Variants in TTLL4 observed in about 807,000 individuals in gnomAD.
TTLL4 encodes tubulin tyrosine ligase like 4, also known as tubulin monoglutamylase TTLL4.
Under a neutral mutation model 122.7 loss-of-function variants are expected in TTLL4, and 85 were observed. The ratio of observed to expected loss-of-function variants is 0.69; its 90% CI spans 0.58 to 0.83. The LOEUF (loss-of-function observed/expected upper bound fraction) is 0.83. Among genes scored for constraint, TTLL4 ranks in the 40% least tolerant of loss-of-function variants. TTLL4 has a pLI of 0.00. For missense variants in TTLL4, 1,363 were observed against 1,488.6 expected (o/e 0.92, Z 1.39); for synonymous variants, 553 against 563.0 (o/e 0.98, Z 0.25).
At chr2:218,746,713 T>C in intron 8 of TTLL4, 1 of 453,636 alleles carries the variant, frequency 2.2e-6, no homozygotes. Flanking sequence ...CGAAATGCTT[T>C]TCTGTCCTCA....
intron 2 of TTLL4, among the ~76,000 whole-genome samples, chr2:218,728,518 A>G (rs1380551351): frequency 2.0e-5 from 3 of 152,194 alleles, no homozygotes; most frequent in South Asian, 2.1e-4. Context: ...CGCTTGCCCA[A>G]TGCTCAGCTC....
chr2:218,742,787 T>C (rs1247356459), intron 5 of TTLL4, among the ~76,000 whole-genome samples: 1 of 152,152 alleles, frequency 6.6e-6, no homozygotes. Flanking sequence ...AGAAGTACAA[T>C]ATAGTACACT....
At chr2:218,720,386 A>AGATGGTG (rs1317312947) in intron 1 of TTLL4, among the ~76,000 whole-genome samples, 1 of 152,132 alleles carries the variant, frequency 6.6e-6, no homozygotes, top group Non-Finnish European at 1.5e-5. Context: ...AGCAACAAGG[A>AGATGGTG]GATGGTGGTA....
downstream of TTLL4, among the ~76,000 whole-genome samples, chr2:218,755,829 C>T (rs117730283): frequency 6.4e-4 from 98 of 152,110 alleles, 2 homozygotes; most frequent in East Asian, 0.015. Flanking sequence ...AGTTCTGTGG[C>T]GAGGTGGGGT....
chr2:218,747,424 G>A lies in TTLL4; in HGVS notation c.2249+52G>A, dbSNP rs191030191. 1.7e-3 allele frequency: 2,786 copies of A among 1,597,948 alleles called. 3 individuals carry two copies. Among genetic ancestry groups the A allele is most frequent in the Non-Finnish European group, 2.0e-3 (2,389 of 1,170,478 alleles). On this transcript the variant is annotated intron_variant, in intron 10 of 19. Transcript: ENST00000392102. This position sits in a 1 kb window ranked among gnomAD's most constrained non-coding sequence, Gnocchi z 4.7. ...CCCATCCTCCCACCTCCTTGGCCTCGAGGTTCCCTTCTTACAATGTTCTGC... is the reference window on the plus strand; with the variant it reads ...CCCATCCTCCCACCTCCTTGGCCTCAAGGTTCCCTTCTTACAATGTTCTGC...
At position 218,738,616 on chromosome 2, in the gene TTLL4, G is replaced by T; in HGVS notation, c.940G>T (p.Ala314Ser). The change falls in exon 3 of 20, where the codon GCA becomes TCA. Residue 314 changes from alanine (A) to serine (S), a missense_variant. By Grantham distance (99) the Ala-to-Ser change is moderately conservative. Coordinates refer to ENST00000392102, the MANE Select transcript of TTLL4 (RefSeq NM_014640.5). The part of the protein sequence containing the change: ...WYNRNNLAMR[A>S]EPLSCALDDS... ...TAACCGGAATAACTTAGCCATGAGG[G>T]CAGAGCCACTTTCCTGTGCTCTGGA... 6.2e-7 allele frequency: 1 copy of T among 1,614,184 alleles called. No individual in the cohort carries two copies. Among genetic ancestry groups the T allele is most frequent in the Non-Finnish European group, 8.5e-7 (1 of 1,180,026 alleles).
chr2:218,740,820 C>T (rs1295163986), intron 5 of TTLL4, among the ~76,000 whole-genome samples: 10 of 151,290 alleles, frequency 6.6e-5, no homozygotes, highest in Admixed American at 6.6e-4. Flanking sequence ...ACACCTGTAA[C>T]CCCAGCACTT....
At chr2:218,748,674 A>G in intron 12 of TTLL4, 162 bp from the exon 13 acceptor site, 2 of 564,986 alleles carry the variant, frequency 3.5e-6, no homozygotes, top group Non-Finnish European at 6.0e-6. Flanking sequence ...AAAAAAAAAA[A>G]AGAATTGGTC....
rs760675042 is a variant in TTLL4 at position 218,748,181 on chromosome 2, G to A, written c.2455G>A (p.Glu819Lys). 4.3e-6 allele frequency: 7 copies of A among 1,614,140 alleles called. No individual in the cohort carries two copies. The highest frequency in any genetic ancestry group is 2.2e-5 in the East Asian group (1 of 44,888). The change falls in exon 12 of 20, where the codon GAG becomes AAG. Residue 819 changes from glutamate to lysine, a missense_variant. Coordinates refer to ENST00000392102, the MANE Select transcript of TTLL4 (RefSeq NM_014640.5). ...CTACAGTGTCAATAAAAAGAATGCC[G>A]AGTACCAGGCCAATGCAGATGAAAT... is the stretch of plus-strand genomic sequence containing the variant. ...TNYSVNKKNA[E>K]YQANADEMAC... is the part of the protein sequence containing the mutation.
Position 218,748,956 on chromosome 2 carries a change from G to T in TTLL4, c.2600+22G>T. ...TCTCGTGAGTCACATTGCCAACCTGGATGTGGGGCCTGCTGCTGACCCCCT... is the reference window on the plus strand; with the variant it reads ...TCTCGTGAGTCACATTGCCAACCTGTATGTGGGGCCTGCTGCTGACCCCCT... On this transcript the variant is annotated intron_variant, in intron 13 of 19. Coordinates refer to ENST00000392102, the MANE Select transcript of TTLL4 (RefSeq NM_014640.5). 3 of 1,610,138 alleles carry T rather than the reference G, an allele frequency of 1.9e-6. No individual in the cohort carries two copies. Among genetic ancestry groups the T allele is most frequent in the Non-Finnish European group, 2.5e-6 (3 of 1,176,718 alleles).
chr2:218,748,014 T>C, intron 11 of TTLL4, 91 bp from the exon 12 acceptor site: 1 of 1,535,848 alleles, frequency 6.5e-7, no homozygotes, highest in Non-Finnish European at 8.9e-7. Flanking sequence ...GTACTTGTTC[T>C]ACACCTCTTC....
chr2:218,748,526 G>A (rs6722216), intron 12 of TTLL4: 198,235 of 432,266 alleles, frequency 0.46, 48,076 homozygotes, highest in African/African-American at 0.6. Flanking sequence ...GTGGTGGCAG[G>A]CGCCTACAAT....
At position 218,740,965 on chromosome 2, in the gene TTLL4, C is replaced by T. The variant is rs752347733; in HGVS notation, c.1661+381C>T. On this transcript the variant is annotated intron_variant, in intron 5 of 19. Transcript: ENST00000392102. ...GTGCACACCTGTAATCCCAGCTGCTCGGGAGGCTGAGGCACGAGAATCACT... is the reference window on the plus strand; with the variant it reads ...GTGCACACCTGTAATCCCAGCTGCTTGGGAGGCTGAGGCACGAGAATCACT... Among the ~76,000 whole-genome samples the T allele has an allele frequency of 4.4e-4, 67 of 152,032 alleles. 1 individual carries two copies. The highest frequency in any genetic ancestry group is 3.7e-4 in the Non-Finnish European group (25 of 68,008).
chr2:218,727,683 A>G (rs1024372484), intron 2 of TTLL4, among the ~76,000 whole-genome samples: 12 of 152,150 alleles, frequency 7.9e-5, no homozygotes, highest in African/African-American at 1.9e-4. Context: ...TGGAGCTTGC[A>G]GTGAGCCAAG....
chr2:218,759,195 A>AGATCGCCCC (rs895607040), downstream of TTLL4, among the ~76,000 whole-genome samples: 2 of 152,134 alleles, frequency 1.3e-5, no homozygotes, highest in Admixed American at 6.5e-5. Context: ...CGGTGAGCCG[A>AGATCGCCCC]GATCGCCCCA....
intron 1 of TTLL4, among the ~76,000 whole-genome samples, chr2:218,723,841 A>G (rs927787981): frequency 2.6e-5 from 4 of 152,358 alleles, no homozygotes; most frequent in South Asian, 4.1e-4. Context: ...CTAAAAAGAT[A>G]TGAAGGTGAA....
At chr2:218,741,801 T>A (rs1942708465) in intron 5 of TTLL4, among the ~76,000 whole-genome samples, 1 of 152,216 alleles carries the variant, frequency 6.6e-6, no homozygotes, top group South Asian at 2.1e-4. Context: ...AGGGCCTACT[T>A]CAGGACTGCT....
chr2:218,747,814 A>G lies in TTLL4; in HGVS notation c.2378+89A>G. 1 of 1,548,712 alleles carries G rather than the reference A, an allele frequency of 6.5e-7. No homozygotes were observed. Among genetic ancestry groups the G allele is most frequent in the Non-Finnish European group, 8.8e-7 (1 of 1,140,364 alleles). On this transcript the variant is annotated intron_variant, in intron 11 of 19. Transcript: ENST00000392102. This position sits in a 1 kb window ranked among gnomAD's most constrained non-coding sequence, Gnocchi z 4.7. ...GAAACTAGAAGACACCAAACAGAAA[A>G]ATAGTTTTTGTTAGCAAGGGGAAAG...
rs569081826 is a variant in TTLL4 at position 218,725,063 on chromosome 2, C to T, written c.-177-2206C>T. On this transcript the variant is annotated intron_variant, in intron 1 of 19. Transcript: ENST00000392102. ...CATAGGCACATGCCACCACACCCAG[C>T]TAATTTTTATTTTTTATTATTATTT... is the stretch of plus-strand genomic sequence containing the variant. Among the ~76,000 whole-genome samples the T allele has an allele frequency of 3.9e-5, 6 of 152,112 alleles. No homozygotes were observed. In the South Asian group the frequency reaches 1.0e-3, roughly 26 times the overall value.
Sources: gnomAD v4.1 joint callset for allele counts (sites outside exome capture counted in the v4.1 genomes callset) on GRCh38, gnomAD v4.1.1 for gene constraint, Gnocchi (gnomAD v3.1) non-coding constraint, MANE v1.5 for transcripts, NCBI Gene and HGNC (gene_info 2026-07-23, HGNC 2026-07-21) for gene names.